The following KDM2B variants were observed in gnomAD, a reference collection of about 807,000 sequenced individuals.
The protein encoded by KDM2B is lysine-specific demethylase 2B.
In KDM2B, 26 loss-of-function variants were observed where a neutral mutation model predicts 150.0. The ratio of observed to expected loss-of-function variants is 0.17; its 90% CI spans 0.13 to 0.24. The LOEUF (loss-of-function observed/expected upper bound fraction) is 0.24, where lower values mean the gene tolerates loss of function less well. Among genes scored for constraint, KDM2B ranks in the 10% least tolerant of loss-of-function variants. KDM2B has a pLI of 1.00. For missense variants in KDM2B, 1,265 were observed against 1,816.9 expected (o/e 0.70, Z 5.52); for synonymous variants, 734 against 729.5 (o/e 1.01, Z -0.10).
At chr12:121,414,711 C>T in the KDM2B span, among the ~76,000 whole-genome samples, 2 of 151,990 alleles carry the variant, frequency 1.3e-5, no homozygotes, top group Non-Finnish European at 2.9e-5. Context: ...CTCGCTCTGT[C>T]GCCCAGCCTG....
rs782054563 is a variant in KDM2B, at chr12:121,439,987, G to C, written c.3699C>G (p.Ile1233Met). The C allele has an allele frequency of 2.6e-5, 42 of 1,614,014 alleles. No individual in the cohort carries two copies. The highest frequency in any genetic ancestry group is 3.3e-5 in the Non-Finnish European group (39 of 1,180,012). Residue 1233 changes from isoleucine (I) to methionine (M), a missense_variant, in exon 22 of 23, where the codon ATC (isoleucine) becomes ATG (methionine). By Grantham distance (10) the Ile-to-Met change is conservative (BLOSUM62 1). Transcript: ENST00000377071. ...TGGAGAGCAGGGGCATGTGGCGGAT[G>C]ATGAGCCGCAGGGAGGCATCTGTGA... ...LDITDASLRL[I>M]IRHMPLLSKL...
chr12:121,524,052 C>T (rs986048199), intron 8 of KDM2B, among the ~76,000 whole-genome samples: 12 of 152,156 alleles, frequency 7.9e-5, no homozygotes, highest in Non-Finnish European at 1.8e-4. Context: ...TCGCCATCCC[C>T]GTTATCCTAG....
intron 11 of KDM2B, among the ~76,000 whole-genome samples, chr12:121,507,725 G>T (rs1555303156): frequency 1.3e-5 from 2 of 152,124 alleles, no homozygotes; most frequent in Non-Finnish European, 2.9e-5. Flanking sequence ...GCAAAAATAG[G>T]CTAGGCCAGG....
intron 4 of KDM2B, among the ~76,000 whole-genome samples, chr12:121,555,469 T>C (rs1048199758): frequency 3.3e-5 from 5 of 152,132 alleles, no homozygotes. Flanking sequence ...ACCTCCCTGG[T>C]TCAAGTAATT....
chr12:121,499,968 A>G (rs1555301641), intron 11 of KDM2B, among the ~76,000 whole-genome samples: 1 of 151,866 alleles, frequency 6.6e-6, no homozygotes, highest in African/African-American at 2.4e-5. Flanking sequence ...TAATTATTTA[A>G]TAATAATTAA....
intron 9 of KDM2B, chr12:121,516,705 T>C: frequency 1.6e-6 from 1 of 628,470 alleles, no homozygotes; most frequent in Non-Finnish European, 2.8e-6. Context: ...GCACCTGGCC[T>C]CAGCCCTTCC....
At chr12:121,443,116 A>G (rs1330884542) in intron 17 of KDM2B, 86 bp from the exon 18 acceptor site, 14 of 1,342,534 alleles carry the variant, frequency 1.0e-5, no homozygotes, top group Non-Finnish European at 1.5e-5. Context: ...CCACGAGTCC[A>G]CAGTCTCCAG....
intron 11 of KDM2B, among the ~76,000 whole-genome samples, chr12:121,505,432 G>T (rs1394580129): frequency 1.3e-5 from 2 of 151,618 alleles, no homozygotes; most frequent in Admixed American, 6.6e-5. Flanking sequence ...TGAGCCCAGG[G>T]GCTCAAGATG....
At chr12:121,522,111 GA>G (rs377326162) in intron 8 of KDM2B, among the ~76,000 whole-genome samples, 30 of 148,282 alleles carry the variant, frequency 2.0e-4, no homozygotes, top group African/African-American at 5.2e-4. Flanking sequence ...ATCTCAAAAA[GA>G]AAAAAAAAGA....
In KDM2B at chr12:121,535,181, G is replaced by A. The variant is rs1219780780; in HGVS notation, c.684-591C>T. On this transcript the variant is annotated intron_variant, in intron 6 of 22. Transcript: ENST00000377071. Reference sequence around the variant, plus strand: ...CCCCTAACTGTGCGACACTCCTAAAGAAGCAATGCACAGGAAAAGTTAAAT... The same window carrying A: ...CCCCTAACTGTGCGACACTCCTAAAAAAGCAATGCACAGGAAAAGTTAAAT... 8.8e-5 allele frequency among the ~76,000 whole-genome samples: 13 copies of A among 147,154 alleles called. No homozygotes were observed. The East Asian group carries it at 1.8e-3, about 20-fold the overall frequency.
intron 12 of KDM2B, among the ~76,000 whole-genome samples, chr12:121,480,208 GA>G (rs1176071988): frequency 2.6e-5 from 4 of 152,158 alleles, no homozygotes; most frequent in African/African-American, 4.8e-5. Flanking sequence ...AGCAAGGAGA[GA>G]AGAATAACTG....
chr12:121,442,579 G>T lies in KDM2B; in HGVS notation c.2862C>A (p.Leu954=), dbSNP rs1445883402. 11 of 1,601,156 alleles carry T rather than the reference G, an allele frequency of 6.9e-6. No individual in the cohort carries two copies. The highest frequency in any genetic ancestry group is 1.3e-5 in the African/African-American group (1 of 74,936). Residue 954 remains leucine (L), a synonymous_variant, in exon 19 of 23, where the codon CTC becomes CTA. Coordinates refer to ENST00000377071, the MANE Select transcript of KDM2B (RefSeq NM_032590.5). The surrounding 1 kb of genome is among the most constrained non-coding windows in gnomAD (Gnocchi z 7.7). ...TCTCCGTCCTCTGGATCTCGTGGTT[G>T]AGCTCCTTGCTCAGCTCCCTGCTCA... is the stretch of plus-strand genomic sequence containing the variant. The part of the protein sequence containing the change: ...KELSRELSKE[L]NHEIQRTENS...
rs782589229 is a variant in KDM2B, at chr12:121,463,025, A to G, written c.1735-9681T>C. Among the ~76,000 whole-genome samples, 1,452 of 151,936 alleles carry G rather than the reference A, an allele frequency of 9.6e-3. 14 individuals carry two copies. The highest frequency in any genetic ancestry group is 0.015 in the Non-Finnish European group (1,042 of 67,940). On this transcript the variant is annotated intron_variant, in intron 12 of 22. Coordinates refer to ENST00000377071, the MANE Select transcript of KDM2B (RefSeq NM_032590.5). ...TGAGACCCTGCCTCAGCAAAAAAAAAAAAAAAAGAGGCCAGGCGTGGTGGC... is the reference window on the plus strand; with the variant it reads ...TGAGACCCTGCCTCAGCAAAAAAAAGAAAAAAAGAGGCCAGGCGTGGTGGC...
chr12:121,516,914 A>AGGGGGAAG, intron 9 of KDM2B: 1 of 653,198 alleles, frequency 1.5e-6, no homozygotes, highest in Admixed American at 2.7e-5. Flanking sequence ...GTCCAATGGT[A>AGGGGGAAG]GGGGGAAGGG....
intron 22 of KDM2B, among the ~76,000 whole-genome samples, chr12:121,436,905 C>CT (rs1874097759): frequency 6.6e-6 from 1 of 152,216 alleles, no homozygotes; most frequent in African/African-American, 2.4e-5. Context: ...AAACCTCCCA[C>CT]TTACTGTAGC....
At chr12:121,507,934 C>T (rs563118223) in intron 11 of KDM2B, among the ~76,000 whole-genome samples, 3 of 152,298 alleles carry the variant, frequency 2.0e-5, no homozygotes, top group African/African-American at 7.2e-5. Flanking sequence ...TCACTTGAGC[C>T]TGGGAGGTCG....
At chr12:121,495,473 T>C (rs182594409) in intron 11 of KDM2B, among the ~76,000 whole-genome samples, 92 of 152,284 alleles carry the variant, frequency 6.0e-4, no homozygotes, top group Non-Finnish European at 1.2e-3. Context: ...AATTTTTAAA[T>C]TTTTTTGTGC....
intron 12 of KDM2B, among the ~76,000 whole-genome samples, chr12:121,466,282 G>A (rs559980787): frequency 6.6e-6 from 1 of 152,260 alleles, no homozygotes; most frequent in Admixed American, 6.5e-5. Flanking sequence ...CCTCGGACAG[G>A]TCTACCTGGC....
At chr12:121,474,378 C>T (rs570553460) in intron 12 of KDM2B, among the ~76,000 whole-genome samples, 10 of 152,072 alleles carry the variant, frequency 6.6e-5, no homozygotes, top group South Asian at 2.1e-4. Flanking sequence ...TAGCTGGGCG[C>T]GGTAGCGGGT....
Sources: gnomAD v4.1 joint callset for allele counts (sites outside exome capture counted in the v4.1 genomes callset) on GRCh38, gnomAD v4.1.1 for gene constraint, Gnocchi (gnomAD v3.1) non-coding constraint, MANE v1.5 for transcripts, NCBI Gene and HGNC (gene_info 2026-07-23, HGNC 2026-07-21) for gene names.